USP44: variants seen among roughly 807,000 people sequenced by gnomAD.
USP44 encodes the protein ubiquitin carboxyl-terminal hydrolase 44.
USP44 carries 61 observed loss-of-function variants against 69.0 expected under a neutral mutation model. The ratio of observed to expected loss-of-function variants is 0.88; its 90% confidence interval spans 0.72 to 1.09. The LOEUF is 1.09. Ranked by LOEUF, USP44 falls within the 50% of genes least tolerant of loss-of-function variation. The pLI, the probability that USP44 is intolerant of heterozygous loss-of-function variation, is 0.00. For missense variants in USP44, 753 were observed against 849.9 expected, an observed-to-expected ratio of 0.89 and a Z score of 1.42; for synonymous variants, 297 against 295.4, an observed-to-expected ratio of 1.01 and a Z score of -0.06.
Position 95,534,205 on chromosome 12 carries a change from C to A in USP44, c.52G>T (p.Asp18Tyr), listed in dbSNP as rs377579737. The A allele has an allele frequency of 1.5e-5, 24 of 1,613,836 alleles. No homozygotes were observed. The highest frequency in any genetic ancestry group is 2.0e-5 in the Non-Finnish European group (24 of 1,179,936). ...TTCTGAGGGTTGAGGCTGGAATGGT[C>A]TTGAGCAAGCTGCAGCTGCCCAACA... ...KHVGQLQLAQ[D>Y]HSSLNPQKWH... is the part of the protein sequence containing the mutation. Residue 18 changes from aspartate (D) to tyrosine (Y), a missense_variant, in exon 2 of 6, where the codon GAC becomes TAC. Asp to Tyr is a radical substitution (Grantham distance 160, BLOSUM62 -3). Coordinates refer to ENST00000258499, the MANE Select transcript of USP44 (RefSeq NM_032147.5).
rs1413991018 is a variant in USP44, at chr12:95,528,922, A to T, written c.1509T>A (p.Tyr503Ter). The change falls in exon 3 of 6, where the codon TAT (tyrosine) becomes TAA (stop). Residue 503 changes from tyrosine (Y) to a stop codon, truncating the protein, a stop_gained. Coordinates refer to ENST00000258499, the MANE Select transcript of USP44 (RefSeq NM_032147.5). LOFTEE classifies it high-confidence loss of function. ...WDLSLEFPER[Y>*]QCSGKDIASQ... ...AAGCAATATCTTTTCCACTGCATTG[A>T]TACCTTTCTGGAAACTCCAATGACA... The T allele has an allele frequency of 6.2e-7, 1 of 1,614,052 alleles. No individual in the cohort carries two copies. Among genetic ancestry groups the T allele is most frequent in the Admixed American group, 1.7e-5 (1 of 60,016 alleles).
chr12:95,538,108 T>C (rs2077264898), intron 1 of USP44, among the ~76,000 whole-genome samples: 1 of 152,006 alleles, frequency 6.6e-6, no homozygotes, highest in African/African-American at 2.4e-5. Flanking sequence ...TTAGATGTCA[T>C]CTATCTGAGA....
chr12:95,536,332 C>T (rs74519477), intron 1 of USP44, among the ~76,000 whole-genome samples: 2,423 of 152,128 alleles, frequency 0.016, 60 homozygotes, highest in African/African-American at 0.054. Context: ...CGTGAGCCAC[C>T]GTGCCCAGCC....
Position 95,533,637 on chromosome 12 carries a change from C to T in USP44, c.620G>A (p.Ser207Asn), listed in dbSNP as rs1385389869. ...ACGTAAACTCTTTCTTGGAGGCATA[C>T]TTTCCAATTCTGCTTTAACTTGATA... ...LEYQVKAELE[S>N]MPPRKSLRLQ... The change falls in exon 2 of 6, where the codon AGT (serine) becomes AAT (asparagine). Residue 207 changes from serine (S) to asparagine (N), a missense_variant. Ser to Asn is a conservative substitution (Grantham distance 46). Coordinates refer to ENST00000258499, the MANE Select transcript of USP44 (RefSeq NM_032147.5). The T allele has an allele frequency of 2.5e-6, 4 of 1,613,770 alleles. No individual in the cohort carries two copies. The highest frequency in any genetic ancestry group is 2.2e-5 in the East Asian group (1 of 44,898).
chr12:95,534,746 G>A (rs905564479), intron 1 of USP44, among the ~76,000 whole-genome samples: 1 of 150,358 alleles, frequency 6.7e-6, no homozygotes, highest in African/African-American at 2.5e-5. Context: ...TGCGATCTCA[G>A]CTCACTGCAA....
chr12:95,529,334 G>A lies in USP44; in HGVS notation c.1429-332C>T, dbSNP rs61939482. 5.2e-3 allele frequency among the ~76,000 whole-genome samples: 783 copies of A among 151,784 alleles called. 3 individuals carry two copies. Among genetic ancestry groups the A allele is most frequent in the Non-Finnish European group, 8.0e-3 (544 of 67,954 alleles). ...TATATACATATATACATATATCTAT[G>A]TATACATAGATATATACATATGATG... On this transcript the variant is annotated intron_variant, in intron 2 of 5. Coordinates refer to ENST00000258499, the MANE Select transcript of USP44 (RefSeq NM_032147.5).
In USP44 at chr12:95,524,844, G is replaced by A. The variant is rs986400570; in HGVS notation, c.1625-56C>T. The stretch of plus-strand genomic sequence containing the variant: ...ATTTCATTTAAAGATTCAGGGAAAA[G>A]CTGAGTGAACCTTCTTTTTAATTAA... On this transcript the variant is annotated intron_variant, in intron 3 of 5. Transcript: ENST00000258499. 1.8e-5 allele frequency: 27 copies of A among 1,461,580 alleles called. No homozygotes were observed. The Admixed American group carries it at 5.1e-4, about 27-fold the overall frequency. The allele number at this position is 1,461,580 out of a possible 1,614,324, so 90.5% of individuals were successfully genotyped here.
chr12:95,544,981 C>T (rs1371730904), intron 1 of USP44, among the ~76,000 whole-genome samples: 2 of 152,098 alleles, frequency 1.3e-5, no homozygotes, highest in Non-Finnish European at 2.9e-5. Flanking sequence ...TAAATCTAAA[C>T]TTCTTAACAT....
At chr12:95,549,544 TTTTTAACTGAACCTATACTCAATGA>T (rs1483220166) in intron 1 of USP44, among the ~76,000 whole-genome samples, 7 of 152,216 alleles carry the variant, frequency 4.6e-5, no homozygotes, top group Non-Finnish European at 7.3e-5. Context: ...CAGATTGTTG[TTTTTAACTGAACCTATACTCAATGA>T]CAAAGCAGTT....
rs1010590272 is a variant in USP44, at chr12:95,517,244, C to CTT, written c.*908_*909dup. 1 of 151,862 alleles carries CTT rather than the reference C, an allele frequency of 6.6e-6. No individual in the cohort carries two copies. Among genetic ancestry groups the CTT allele is most frequent in the African/African-American group, 2.4e-5 (1 of 41,326 alleles). The allele number at this position is 151,862 out of a possible 1,614,324, so 9.4% of individuals were successfully genotyped here. On this transcript the variant is annotated 3_prime_UTR_variant, in exon 6 of 6. Transcript: ENST00000258499. The stretch of plus-strand genomic sequence containing the variant: ...ATAGTCCAGTTGCCAATTTTGAACA[C>CTT]TTATCTTTTCTGCCCTATAATTTTT...
chr12:95,524,820 T>C, intron 3 of USP44, 32 bp from the exon 4 acceptor site: 1 of 1,561,526 alleles, frequency 6.4e-7, no homozygotes, highest in Non-Finnish European at 8.7e-7. Flanking sequence ...AAAAATCAAA[T>C]TTCATTTAAA....
At position 95,518,295 on chromosome 12, in the gene USP44, G is replaced by C. The variant is rs2076540702; in HGVS notation, c.1998C>G (p.Cys666Trp). The C allele has an allele frequency of 6.2e-7, 1 of 1,614,058 alleles. No homozygotes were observed. Among genetic ancestry groups the C allele is most frequent in the South Asian group, 1.1e-5 (1 of 91,086 alleles). ...KLSMCTMDEV[C>W]KAQAYILFYT... Reference sequence around the variant, plus strand: ...AAAACAAGATATAAGCTTGAGCCTTGCATACTTCATCCATAGTGCACATGC... The same window carrying C: ...AAAACAAGATATAAGCTTGAGCCTTCCATACTTCATCCATAGTGCACATGC... Residue 666 changes from cysteine to tryptophan, a missense_variant, in exon 6 of 6, where the codon TGC (cysteine) becomes TGG (tryptophan). Cys to Trp is a radical substitution (Grantham distance 215, BLOSUM62 -2). Transcript: ENST00000258499.
chr12:95,550,310 G>T (rs534841346), intron 1 of USP44, among the ~76,000 whole-genome samples: 1 of 151,786 alleles, frequency 6.6e-6, no homozygotes, highest in African/African-American at 2.4e-5. Flanking sequence ...GTACATTAAG[G>T]TTACAACTGC....
intron 1 of USP44, among the ~76,000 whole-genome samples, chr12:95,545,298 CG>C (rs1303156245): frequency 6.8e-6 from 1 of 146,958 alleles, no homozygotes; most frequent in African/African-American, 2.5e-5. Flanking sequence ...AAAACAAAAA[CG>C]AAAAAAAAAA....
intron 5 of USP44, 111 bp downstream of exon 5, chr12:95,520,886 A>C: frequency 1.1e-6 from 1 of 925,754 alleles, no homozygotes; most frequent in South Asian, 1.6e-5. Flanking sequence ...TAAGAAAATA[A>C]GTGGTCGAGT....
chr12:95,535,425 G>A (rs760998312), intron 1 of USP44: 27 of 152,040 alleles, frequency 1.8e-4, no homozygotes, highest in Non-Finnish European at 3.1e-4. Flanking sequence ...CTTGACAGTT[G>A]GCTTTAGGGA....
chr12:95,533,609 T>C lies in USP44; in HGVS notation c.648A>G (p.Leu216=). The part of the protein sequence containing the change: ...ESMPPRKSLR[L]QGLAQSTIIE... ...TTATGGTCGACTGAGCGAGCCCTTG[T>C]AAACGTAAACTCTTTCTTGGAGGCA... The change falls in exon 2 of 6, where the codon TTA becomes TTG. Residue 216 remains leucine, a synonymous_variant. Coordinates refer to ENST00000258499, the MANE Select transcript of USP44 (RefSeq NM_032147.5). 6.2e-7 allele frequency: 1 copy of C among 1,613,834 alleles called. No individual in the cohort carries two copies. Among genetic ancestry groups the C allele is most frequent in the Non-Finnish European group, 8.5e-7 (1 of 1,180,022 alleles).
intron 1 of USP44, among the ~76,000 whole-genome samples, chr12:95,550,535 CTCT>C (rs1313903618): frequency 1.3e-5 from 2 of 152,326 alleles, no homozygotes; most frequent in East Asian, 3.9e-4. Flanking sequence ...ATGAGGGCAT[CTCT>C]TAAGATGAAA....
intron 2 of USP44, among the ~76,000 whole-genome samples, chr12:95,529,986 C>T (rs2076968806): frequency 1.3e-5 from 2 of 152,126 alleles, no homozygotes; most frequent in Non-Finnish European, 2.9e-5. Context: ...CTTACATAGG[C>T]AATGTAGCAA....
Sources: allele counts gnomAD v4.1 joint callset (sites outside exome capture counted in the v4.1 genomes callset), GRCh38; gene constraint gnomAD v4.1.1; transcripts MANE v1.5; gene names NCBI Gene and HGNC (gene_info 2026-07-23, HGNC 2026-07-21).